HCN4: variants seen among roughly 807,000 people sequenced by gnomAD.
HCN4 encodes potassium/sodium hyperpolarization-activated cyclic nucleotide-gated channel 4.
Under a neutral mutation model 76.9 loss-of-function variants are expected in HCN4, and 29 were observed. That is an observed-to-expected ratio of 0.38 (90% CI 0.28 to 0.51). HCN4 has a LOEUF of 0.51. HCN4 is among the 20% of genes least tolerant of loss of function. The pLI, the probability that HCN4 is intolerant of heterozygous loss-of-function variation, is 0.90. For synonymous variants in HCN4, 772 were observed against 762.5 expected, an observed-to-expected ratio of 1.01 and a Z score of -0.21; for missense variants, 1,416 against 1,715.2, an observed-to-expected ratio of 0.83 and a Z score of 3.08.
intron 1 of HCN4, among the ~76,000 whole-genome samples, chr15:73,358,879 A>G (rs1479720884): frequency 6.6e-6 from 1 of 152,104 alleles, no homozygotes; most frequent in African/African-American, 2.4e-5. Context: ...CTGCCCTCCC[A>G]TAAACCAGAA....
rs141895700 is a variant in HCN4, at chr15:73,351,727, C to T, written c.786-7919G>A. Among the ~76,000 whole-genome samples, 10 of 152,322 alleles carry T rather than the reference C, an allele frequency of 6.6e-5. No individual in the cohort carries two copies. In the East Asian group the frequency reaches 1.9e-3, roughly 29 times the overall value. On this transcript the variant is annotated intron_variant, in intron 1 of 7. Coordinates refer to ENST00000261917, the MANE Select transcript of HCN4 (RefSeq NM_005477.3). ...TCCACACTTTGCTAAGCCCCAAATC[C>T]TTCTGCGCTTCCCATCACCTCTTAA... is the stretch of plus-strand genomic sequence containing the variant.
intron 1 of HCN4, among the ~76,000 whole-genome samples, chr15:73,365,777 T>C (rs2043125672): frequency 6.6e-6 from 1 of 152,132 alleles, no homozygotes; most frequent in African/African-American, 2.4e-5. Context: ...CCTGAACAGA[T>C]GCTTTCTGAC....
chr15:73,362,678 G>A (rs1276256176), intron 1 of HCN4, among the ~76,000 whole-genome samples: 1 of 152,202 alleles, frequency 6.6e-6, no homozygotes, highest in Non-Finnish European at 1.5e-5. Context: ...AAGGGTGGAT[G>A]GACAGGGAGA....
Position 73,343,249 on chromosome 15 carries a change from G to A in HCN4, c.1209+136C>T. The A allele has an allele frequency of 2.5e-6, 2 of 791,866 alleles. No homozygotes were observed. Among genetic ancestry groups the A allele is most frequent in the Non-Finnish European group, 4.3e-6 (2 of 469,590 alleles). The allele number at this position is 791,866 out of a possible 1,614,324, so 49.1% of individuals were successfully genotyped here. On this transcript the variant is annotated intron_variant, in intron 2 of 7. Coordinates refer to ENST00000261917, the MANE Select transcript of HCN4 (RefSeq NM_005477.3). The surrounding 1 kb of genome is among the most constrained non-coding windows in gnomAD (Gnocchi z 5.7). Reference sequence around the variant, plus strand: ...ATGATAAGAGGTCAAGAACTTACTAGTATTTGTCCTCTTGGAGCAGGTGTG... The same window carrying A: ...ATGATAAGAGGTCAAGAACTTACTAATATTTGTCCTCTTGGAGCAGGTGTG...
rs1385946542 is a variant in HCN4, at chr15:73,323,212, G to A, written c.2881C>T (p.Pro961Ser). Reference protein sequence around the residue: ...GLGLPEHFLPPPPSSRSPSSS... With the variant: ...GLGLPEHFLPSPPSSRSPSSS... ...GACGGGGATCTGGATGAGGGTGGGG[G>A]TGGCAGGAAGTGCTCCGGGAGTCCC... The change falls in exon 8 of 8, where the codon CCC becomes TCC. Residue 961 changes from proline (P) to serine (S), a missense_variant. Pro to Ser is a moderately conservative substitution (Grantham distance 74, BLOSUM62 -1). This residue lies in a region of HCN4 where 633 missense variants were observed against 579.8 expected (regional missense o/e 1.09). Coordinates refer to ENST00000261917, the MANE Select transcript of HCN4 (RefSeq NM_005477.3). The A allele has an allele frequency of 7.8e-6, 12 of 1,532,930 alleles. No homozygotes were observed. The highest frequency in any genetic ancestry group is 2.3e-5 in the East Asian group (1 of 43,758). The allele number at this position is 1,532,930 out of a possible 1,614,324, so 95.0% of individuals were successfully genotyped here. A position where few individuals can be genotyped will look rare whatever the true frequency, so the allele number is the denominator to read the frequency against.
At chr15:73,355,367 T>C (rs2043073204) in intron 1 of HCN4, among the ~76,000 whole-genome samples, 1 of 152,188 alleles carries the variant, frequency 6.6e-6, no homozygotes, top group African/African-American at 2.4e-5. Context: ...TCTAAAGATA[T>C]GCTGAGTTCC....
Position 73,323,067 on chromosome 15 carries a change from C to T in HCN4, c.3026G>A (p.Gly1009Glu), listed in dbSNP as rs756721507. Residue 1009 changes from glycine to glutamate, a missense_variant, in exon 8 of 8, where the codon GGG becomes GAG. Physicochemically the swap from Gly to Glu is moderately conservative, Grantham distance 98. Transcript: ENST00000261917. ...RQPEPPSLVA[G>E]ASGGASPVGF... ...TACAGGGGAAGCCCCCCCAGAGGCCCCTGCCACAAGGGACGGCGGCTCAGG... is the reference window on the plus strand; with the variant it reads ...TACAGGGGAAGCCCCCCCAGAGGCCTCTGCCACAAGGGACGGCGGCTCAGG... 1.3e-6 allele frequency: 2 copies of T among 1,550,050 alleles called. No homozygotes were observed. Among genetic ancestry groups the T allele is most frequent in the Non-Finnish European group, 1.7e-6 (2 of 1,153,318 alleles).
intron 3 of HCN4, among the ~76,000 whole-genome samples, chr15:73,331,743 C>A (rs1029572963): frequency 6.6e-6 from 1 of 152,184 alleles, no homozygotes; most frequent in Non-Finnish European, 1.5e-5. Context: ...CTGCACCCAG[C>A]CTCAGGCTCA....
At position 73,367,937 on chromosome 15, in the gene HCN4, C is replaced by T. The variant is rs765099391; in HGVS notation, c.334G>A (p.Gly112Ser). The change falls in exon 1 of 8, where the codon GGC (glycine) becomes AGC (serine). Residue 112 changes from glycine (G) to serine (S), a missense_variant. Physicochemically the swap from Gly to Ser is moderately conservative, Grantham distance 56. Coordinates refer to ENST00000261917, the MANE Select transcript of HCN4 (RefSeq NM_005477.3). This position sits in a 1 kb window ranked among gnomAD's most constrained non-coding sequence, Gnocchi z 7.5. The part of the protein sequence containing the change: ...SLGSRGGGSG[G>S]TGSGSSHGHL... ...CCGTGACTGCTGCCGCTCCCCGTGC[C>T]GCCGCTGCCGCCGCCCCGGCTGCCC... The T allele has an allele frequency of 8.5e-5, 115 of 1,355,882 alleles. No individual in the cohort carries two copies. The highest frequency in any genetic ancestry group is 1.1e-4 in the Non-Finnish European group (113 of 1,058,428). 84.0% of individuals were successfully genotyped at this position (1,355,882 alleles called of 1,614,324 possible).
chr15:73,334,813 TA>T (rs1246613769), intron 2 of HCN4, among the ~76,000 whole-genome samples: 1 of 152,162 alleles, frequency 6.6e-6, no homozygotes, highest in East Asian at 1.9e-4. Flanking sequence ...CCATTATTAT[TA>T]AGCTCCTTCT....
In HCN4 at chr15:73,367,447, G is replaced by A. The variant is rs769935348; in HGVS notation, c.785+39C>T. The A allele has an allele frequency of 1.9e-6, 3 of 1,611,356 alleles. No individual in the cohort carries two copies. The highest frequency in any genetic ancestry group is 2.2e-5 in the South Asian group (2 of 90,958). The stretch of plus-strand genomic sequence containing the variant: ...GTCAGGAGGAGGCATGCCTGCCACC[G>A]CGCAGGGCACCCACAGGATCATCGC... On this transcript the variant is annotated intron_variant, in intron 1 of 7. Transcript: ENST00000261917. The surrounding 1 kb of genome is among the most constrained non-coding windows in gnomAD (Gnocchi z 7.5).
intron 1 of HCN4, among the ~76,000 whole-genome samples, chr15:73,364,460 T>G (rs961553645): frequency 6.6e-6 from 1 of 152,184 alleles, no homozygotes; most frequent in African/African-American, 2.4e-5. Context: ...TTGTTGTTGT[T>G]CCAGGTTCTC....
At chr15:73,336,132 G>A (rs1054997408) in intron 2 of HCN4, among the ~76,000 whole-genome samples, 3 of 152,130 alleles carry the variant, frequency 2.0e-5, no homozygotes, top group Admixed American at 1.3e-4. Flanking sequence ...CAGGCTCTGA[G>A]CACCCCCAGC....
chr15:73,353,981 T>C (rs1487005996), intron 1 of HCN4, among the ~76,000 whole-genome samples: 2 of 151,806 alleles, frequency 1.3e-5, no homozygotes, highest in Non-Finnish European at 2.9e-5. Flanking sequence ...GCCTGGCCAC[T>C]AGGGCTCTAT....
In HCN4 at chr15:73,368,610, C is replaced by G. The variant is rs1002488237; in HGVS notation, c.-340G>C. The G allele has an allele frequency of 5.7e-6, 1 of 174,562 alleles. No homozygotes were observed. The highest frequency in any genetic ancestry group is 1.2e-5 in the Non-Finnish European group (1 of 83,160). 10.8% of individuals were successfully genotyped at this position (174,562 alleles called of 1,614,324 possible). A position where few individuals can be genotyped will look rare whatever the true frequency, so the allele number is the denominator to read the frequency against. ...CGCCCCCGCGGGGAACAATGGGCGC[C>G]GGCCGGAGAGGCTCTGCGGCCGCGG... On this transcript the variant is annotated 5_prime_UTR_variant, in exon 1 of 8. Transcript: ENST00000261917. This position sits in a 1 kb window ranked among gnomAD's most constrained non-coding sequence, Gnocchi z 6.9.
intron 1 of HCN4, among the ~76,000 whole-genome samples, chr15:73,355,074 G>T (rs1174158307): frequency 6.6e-6 from 1 of 152,228 alleles, no homozygotes; most frequent in Non-Finnish European, 1.5e-5. Flanking sequence ...CCAGAAAGGA[G>T]CAGGGGGCAG....
intron 1 of HCN4, among the ~76,000 whole-genome samples, chr15:73,366,604 G>A (rs2043129445): frequency 6.6e-6 from 1 of 152,194 alleles, no homozygotes; most frequent in South Asian, 2.1e-4. Flanking sequence ...ATGCCCACAA[G>A]CTCCCAGTGG....
Position 73,324,981 on chromosome 15 carries a change from T to A in HCN4, c.1952A>T (p.Lys651Met). 1 of 1,614,156 alleles carries A rather than the reference T, an allele frequency of 6.2e-7. No individual in the cohort carries two copies. The highest frequency in any genetic ancestry group is 8.5e-7 in the Non-Finnish European group (1 of 1,180,024). Residue 651 changes from lysine to methionine, a missense_variant, in exon 6 of 8, where the codon AAG (lysine) becomes ATG (methionine). Lys to Met is a moderately conservative substitution (Grantham distance 95). Coordinates refer to ENST00000261917, the MANE Select transcript of HCN4 (RefSeq NM_005477.3). ...TCCAAAGTAGGAGCCGTCGGCCAGC[T>A]TGGTCTCCTTGTTGCCCTTGGTGAG... Reference protein sequence around the residue: ...SVLTKGNKETKLADGSYFGEI... With the variant: ...SVLTKGNKETMLADGSYFGEI...
intron 1 of HCN4, among the ~76,000 whole-genome samples, chr15:73,362,545 A>C (rs980791884): frequency 2.0e-5 from 3 of 152,240 alleles, no homozygotes; most frequent in Non-Finnish European, 4.4e-5. Flanking sequence ...CATTGTAACA[A>C]ACACAGAGCT....
Sources: gnomAD v4.1 joint callset for allele counts (sites outside exome capture counted in the v4.1 genomes callset) on GRCh38, gnomAD v4.1.1 for gene constraint, gnomAD v4.1.1 regional missense constraint, Gnocchi (gnomAD v3.1) non-coding constraint, MANE v1.5 for transcripts, NCBI Gene and HGNC (gene_info 2026-07-23, HGNC 2026-07-21) for gene names.